UNC79: variants seen among roughly 807,000 people sequenced by gnomAD.
The protein encoded by UNC79 is protein unc-79 homolog.
UNC79 carries 37 observed loss-of-function variants against 283.1 expected under a neutral mutation model. That is an observed-to-expected ratio of 0.13 (90% CI 0.10 to 0.17). UNC79 has a LOEUF of 0.17. Among genes scored for constraint, UNC79 ranks in the 10% least tolerant of loss-of-function variants. UNC79 has a pLI of 1.00. For synonymous variants in UNC79, 1,107 were observed against 1,200.2 expected, an observed-to-expected ratio of 0.92 and a Z score of 1.61; for missense variants, 2,272 against 3,211.1, an observed-to-expected ratio of 0.71 and a Z score of 7.07.
chr14:93,412,616 C>A (rs1206330826), intron 1 of UNC79, among the ~76,000 whole-genome samples: 2 of 152,010 alleles, frequency 1.3e-5, no homozygotes, highest in Non-Finnish European at 2.9e-5. Flanking sequence ...TGCCTTGAGG[C>A]AGTCTTCTTT....
At chr14:93,491,569 C>G (rs2058726644) in intron 5 of UNC79, among the ~76,000 whole-genome samples, 1 of 152,102 alleles carries the variant, frequency 6.6e-6, no homozygotes, top group Admixed American at 6.6e-5. Flanking sequence ...TTTTTACCCC[C>G]TGAAACCAAG....
chr14:93,588,440 G>A (rs1392679293), intron 22 of UNC79, among the ~76,000 whole-genome samples: 1 of 152,102 alleles, frequency 6.6e-6, no homozygotes, highest in Non-Finnish European at 1.5e-5. Flanking sequence ...AGGATTTTTA[G>A]GATAAAGAAA....
chr14:93,582,396 C>T, intron 20 of UNC79, 52 bp downstream of exon 20: 1 of 1,594,508 alleles, frequency 6.3e-7, no homozygotes, highest in African/African-American at 1.4e-5. Flanking sequence ...TGGCCTGATG[C>T]TCAAATCACC....
rs543878345 is a variant in UNC79, at chr14:93,574,906, A to T, written c.2071-152A>T. The T allele has an allele frequency of 2.9e-5, 24 of 832,492 alleles. No individual in the cohort carries two copies. The African/African-American group carries it at 3.5e-4, about 12-fold the overall frequency. The allele number at this position is 832,492 out of a possible 1,614,324, so 51.6% of individuals were successfully genotyped here. A position where few individuals can be genotyped will look rare whatever the true frequency, so the allele number is the denominator to read the frequency against. ...GATAACTTTGATTTTCTTAGTATGA[A>T]AATTGGAGGATGACTGTGTTGATAG... On this transcript the variant is annotated intron_variant, in intron 16 of 48. Transcript: ENST00000555664.
At chr14:93,630,878 C>A in exon 31 of UNC79, 6 of 1,613,978 alleles carry the variant, frequency 3.7e-6, no homozygotes, top group Non-Finnish European at 5.1e-6. Context: ...TGCAGGTGTG[C>A]CGGAAACAAG....
intron 1 of UNC79, among the ~76,000 whole-genome samples, chr14:93,375,601 C>A (rs1309138985): frequency 6.6e-6 from 1 of 152,112 alleles, no homozygotes; most frequent in African/African-American, 2.4e-5. Context: ...AAAGTGGCTT[C>A]TGCTTCTGGG....
chr14:93,340,631 C>T (rs1162739307), intron 1 of UNC79, among the ~76,000 whole-genome samples: 1 of 150,070 alleles, frequency 6.7e-6, no homozygotes, highest in African/African-American at 2.5e-5. Flanking sequence ...TGTGCAGTGA[C>T]ATGATTATAG....
At chr14:93,547,982 G>C (rs2061685100) in intron 14 of UNC79, among the ~76,000 whole-genome samples, 1 of 151,982 alleles carries the variant, frequency 6.6e-6, no homozygotes, top group African/African-American at 2.4e-5. Flanking sequence ...GTGAGACCCT[G>C]TCTCAAAAAA....
intron 12 of UNC79, among the ~76,000 whole-genome samples, chr14:93,538,535 G>C (rs1039251487): frequency 3.3e-5 from 5 of 152,148 alleles, no homozygotes; most frequent in Non-Finnish European, 7.4e-5. Context: ...GGTGAGCTCA[G>C]TAATAGCATT....
Position 93,408,747 on chromosome 14 carries a change from A to G in UNC79, c.-350-58924A>G, listed in dbSNP as rs545692378. 2.7e-4 allele frequency among the ~76,000 whole-genome samples: 41 copies of G among 152,350 alleles called. 1 individual carries two copies. Among genetic ancestry groups the G allele is most frequent in the African/African-American group, 7.7e-4 (32 of 41,586 alleles). The stretch of plus-strand genomic sequence containing the variant: ...ATACCATATCAATACTGGTTCATCA[A>G]TTATAACAAATGTACCACATTAAAG... On this transcript the variant is annotated intron_variant, in intron 1 of 49. Coordinates refer to the UNC79 transcript ENST00000256339.
chr14:93,427,903 A>G (rs1045663184), upstream of UNC79, among the ~76,000 whole-genome samples: 3 of 152,202 alleles, frequency 2.0e-5, no homozygotes, highest in African/African-American at 7.2e-5. Context: ...GGTAGTGGTA[A>G]CATTAGTGTT....
exon 14 of UNC79, chr14:93,542,615 C>T (rs755464334): frequency 6.2e-7 from 1 of 1,614,198 alleles, no homozygotes; most frequent in Non-Finnish European, 8.5e-7. Flanking sequence ...AGTTTGTCAC[C>T]AAATGGCTGA....
chr14:93,638,831 T>C (rs148320514), intron 32 of UNC79, among the ~76,000 whole-genome samples: 2 of 152,294 alleles, frequency 1.3e-5, no homozygotes, highest in East Asian at 1.9e-4. Context: ...TGGCTTCCTT[T>C]TTGCATTTCC....
chr14:93,376,145 A>G (rs1184954948), intron 1 of UNC79, among the ~76,000 whole-genome samples: 1 of 152,228 alleles, frequency 6.6e-6, no homozygotes, highest in Admixed American at 6.5e-5. Flanking sequence ...GCAATAGAAA[A>G]TGGACTAAGA....
At chr14:93,435,644 A>G (rs1293064044) in intron 1 of UNC79, among the ~76,000 whole-genome samples, 1 of 152,182 alleles carries the variant, frequency 6.6e-6, no homozygotes, top group Non-Finnish European at 1.5e-5. Flanking sequence ...ACTTCTTTTT[A>G]GATCAGTCAT....
intron 15 of UNC79, among the ~76,000 whole-genome samples, 183 bp downstream of exon 15, chr14:93,572,267 T>G (rs1249865192): frequency 6.6e-6 from 1 of 152,248 alleles, no homozygotes; most frequent in East Asian, 1.9e-4. Context: ...TAAGATGATT[T>G]GGCATTGTCC....
chr14:93,509,327 T>G (rs528655351), intron 7 of UNC79, among the ~76,000 whole-genome samples: 1 of 152,210 alleles, frequency 6.6e-6, no homozygotes, highest in South Asian at 2.1e-4. Context: ...AAATATCATG[T>G]CCTTTTCACA....
intron 18 of UNC79, 108 bp from the exon 19 acceptor site, chr14:93,580,041 C>T (rs2063698724): frequency 2.1e-6 from 2 of 945,472 alleles, no homozygotes; most frequent in Non-Finnish European, 3.1e-6. Flanking sequence ...TAGTGAAAAT[C>T]ATCCCCAAGT....
intron 42 of UNC79, among the ~76,000 whole-genome samples, chr14:93,685,315 A>G (rs2074151080): frequency 1.3e-5 from 2 of 152,236 alleles, no homozygotes; most frequent in Admixed American, 6.5e-5. Context: ...TCCTATTTGC[A>G]TGACATGTGA....
Sources: gnomAD v4.1 joint callset for allele counts (sites outside exome capture counted in the v4.1 genomes callset) on GRCh38, gnomAD v4.1.1 for gene constraint, MANE v1.5 for transcripts, NCBI Gene and HGNC (gene_info 2026-07-23, HGNC 2026-07-21) for gene names.